Variants in SYNDIG1 observed in about 807,000 individuals in gnomAD.
SYNDIG1 encodes synapse differentiation inducing 1.
SYNDIG1 carries 9 observed loss-of-function variants against 19.4 expected under a neutral mutation model. That is an observed-to-expected ratio of 0.46 (90% CI 0.28 to 0.81). The LOEUF (loss-of-function observed/expected upper bound fraction) is 0.81, where lower values mean the gene tolerates loss of function less well. Among genes scored for constraint, SYNDIG1 ranks in the 30% least tolerant of loss-of-function variants. SYNDIG1 has a pLI of 0.12. For synonymous variants in SYNDIG1, 141 were observed against 145.9 expected, an observed-to-expected ratio of 0.97 and a Z score of 0.24; for missense variants, 311 against 343.3, an observed-to-expected ratio of 0.91 and a Z score of 0.74.
intron 1 of SYNDIG1, among the ~76,000 whole-genome samples, chr20:24,504,907 G>C (rs187830988): frequency 2.8e-3 from 433 of 152,338 alleles, no homozygotes; most frequent in Middle Eastern, 0.01. Flanking sequence ...GTAAGGATGT[G>C]GGGAAGCAAC....
chr20:24,541,065 G>C (rs1436827996), intron 1 of SYNDIG1, among the ~76,000 whole-genome samples: 1 of 152,130 alleles, frequency 6.6e-6, no homozygotes, highest in Non-Finnish European at 1.5e-5. Flanking sequence ...CTTTGACTAA[G>C]ACAGAAAAAA....
chr20:24,622,041 C>T (rs1182028948), intron 3 of SYNDIG1, among the ~76,000 whole-genome samples: 2 of 152,082 alleles, frequency 1.3e-5, no homozygotes, highest in Non-Finnish European at 2.9e-5. Flanking sequence ...ACTGATGAGA[C>T]AAAATAATCA....
chr20:24,541,264 T>C (rs1238590537), intron 1 of SYNDIG1, among the ~76,000 whole-genome samples: 1 of 152,224 alleles, frequency 6.6e-6, no homozygotes, highest in Non-Finnish European at 1.5e-5. Context: ...TGTATATGTG[T>C]TTATGTAGAA....
intron 1 of SYNDIG1, among the ~76,000 whole-genome samples, chr20:24,533,128 A>G (rs1374611574): frequency 6.6e-6 from 1 of 152,014 alleles, no homozygotes; most frequent in Non-Finnish European, 1.5e-5. Flanking sequence ...CTGAGGAGTC[A>G]TTCTCCTAGG....
chr20:24,592,348 T>G (rs1178723256), intron 3 of SYNDIG1, among the ~76,000 whole-genome samples: 4 of 152,202 alleles, frequency 2.6e-5, no homozygotes, highest in Non-Finnish European at 5.9e-5. Flanking sequence ...CTCTGGATAT[T>G]AATTCTAATT....
At chr20:24,605,434 C>A (rs992838299) in intron 3 of SYNDIG1, among the ~76,000 whole-genome samples, 1 of 152,180 alleles carries the variant, frequency 6.6e-6, no homozygotes, top group Non-Finnish European at 1.5e-5. Context: ...CTCTCTCTCC[C>A]TCCCCCAGTC....
chr20:24,558,051 A>G lies in SYNDIG1; in HGVS notation c.480+14474A>G, dbSNP rs191229613. 7.3e-4 allele frequency among the ~76,000 whole-genome samples: 111 copies of G among 152,268 alleles called. 1 individual carries two copies. Among genetic ancestry groups the G allele is most frequent in the Middle Eastern group, 6.8e-3 (2 of 294 alleles). ...TAGCAGGGAAGAAGTGTAACAATGTATAGGAAAACAGGAACTCTGGAGGGA... is the reference window on the plus strand; with the variant it reads ...TAGCAGGGAAGAAGTGTAACAATGTGTAGGAAAACAGGAACTCTGGAGGGA... On this transcript the variant is annotated intron_variant, in intron 2 of 3. Coordinates refer to ENST00000376862, the MANE Select transcript of SYNDIG1 (RefSeq NM_024893.3).
chr20:24,643,080 C>CAT (rs148680415), intron 3 of SYNDIG1, among the ~76,000 whole-genome samples: 3,344 of 151,916 alleles, frequency 0.022, 91 homozygotes, highest in African/African-American at 0.071. Context: ...TATTTATGTA[C>CAT]ATATATATAT....
rs563057689 is a variant in SYNDIG1 at position 24,637,993 on chromosome 20, G to A, written c.619-27353G>A. On this transcript the variant is annotated intron_variant, in intron 3 of 3. Transcript: ENST00000376862. ...TGACCAAGGCCACAGCTAGTTAATGGCCAAGCTGGGACTAACATCCAGTCA... is the reference window on the plus strand; with the variant it reads ...TGACCAAGGCCACAGCTAGTTAATGACCAAGCTGGGACTAACATCCAGTCA... Among the ~76,000 whole-genome samples, 8 of 152,366 alleles carry A rather than the reference G, an allele frequency of 5.3e-5. No homozygotes were observed. The South Asian group carries it at 1.7e-3, about 32-fold the overall frequency.
chr20:24,636,434 G>T (rs1312631922), intron 3 of SYNDIG1, among the ~76,000 whole-genome samples: 1 of 152,232 alleles, frequency 6.6e-6, no homozygotes. Flanking sequence ...CCATGGCAAA[G>T]TACATGGGGT....
chr20:24,540,279 A>G (rs1008223461), intron 1 of SYNDIG1, among the ~76,000 whole-genome samples: 4 of 152,060 alleles, frequency 2.6e-5, no homozygotes, highest in African/African-American at 9.7e-5. Flanking sequence ...TGCTAACTTC[A>G]TTTATTAGTT....
chr20:24,541,754 T>A (rs1383087515), intron 1 of SYNDIG1, among the ~76,000 whole-genome samples: 7 of 152,170 alleles, frequency 4.6e-5, no homozygotes, highest in Non-Finnish European at 8.8e-5. Context: ...GTTCTGAGTA[T>A]CATCGACTGA....
At chr20:24,641,847 GT>G (rs1383652275) in intron 3 of SYNDIG1, among the ~76,000 whole-genome samples, 1 of 152,168 alleles carries the variant, frequency 6.6e-6, no homozygotes, top group African/African-American at 2.4e-5. Context: ...TTTTAGAATG[GT>G]TTTAGGTTGA....
chr20:24,594,533 A>T (rs955621560), intron 3 of SYNDIG1, among the ~76,000 whole-genome samples: 1 of 152,090 alleles, frequency 6.6e-6, no homozygotes, highest in Non-Finnish European at 1.5e-5. Context: ...CATGTGAGTT[A>T]TAAAATAATT....
At chr20:24,506,688 G>T (rs1227240276) in intron 1 of SYNDIG1, among the ~76,000 whole-genome samples, 1 of 152,176 alleles carries the variant, frequency 6.6e-6, no homozygotes, top group African/African-American at 2.4e-5. Flanking sequence ...AGCTCCCATG[G>T]GTTCCCTCTG....
intron 1 of SYNDIG1, among the ~76,000 whole-genome samples, chr20:24,539,552 T>G (rs184905927): frequency 4.9e-4 from 75 of 152,302 alleles, no homozygotes; most frequent in African/African-American, 1.7e-3. Flanking sequence ...TTGTTCTAAG[T>G]CCAGCCTGAG....
intron 3 of SYNDIG1, among the ~76,000 whole-genome samples, chr20:24,647,814 C>T (rs772968428): frequency 2.0e-5 from 3 of 150,508 alleles, no homozygotes; most frequent in Non-Finnish European, 4.4e-5. Context: ...ACAGACTGAG[C>T]AGCACATCAG....
chr20:24,510,508 G>T (rs1367652969), intron 1 of SYNDIG1, among the ~76,000 whole-genome samples: 1 of 150,836 alleles, frequency 6.6e-6, no homozygotes, highest in African/African-American at 2.4e-5. Flanking sequence ...GGCAGAGGTT[G>T]CAGTGAGCCG....
intron 1 of SYNDIG1, among the ~76,000 whole-genome samples, chr20:24,476,643 C>G (rs924947546): frequency 2.0e-5 from 3 of 151,810 alleles, no homozygotes. Context: ...ACACTCCAGC[C>G]TGGGTGACAG....
Sources: allele counts gnomAD v4.1 joint callset (sites outside exome capture counted in the v4.1 genomes callset), GRCh38; gene constraint gnomAD v4.1.1; transcripts MANE v1.5; gene names NCBI Gene and HGNC (gene_info 2026-07-23, HGNC 2026-07-21).